GADL1: variants seen among roughly 807,000 people sequenced by gnomAD.
GADL1 encodes the protein acidic amino acid decarboxylase GADL1.
In GADL1, 71 loss-of-function variants were observed where a neutral mutation model predicts 69.5. That is an observed-to-expected ratio of 1.02 (90% CI 0.84 to 1.25). The LOEUF (loss-of-function observed/expected upper bound fraction) is 1.25, where lower values mean the gene tolerates loss of function less well. Ranked by LOEUF, GADL1 falls within the 50% of genes most tolerant of loss-of-function variation. GADL1 has a pLI of 0.00. For missense variants in GADL1, 737 were observed against 631.8 expected (o/e 1.17, Z -1.79); for synonymous variants, 254 against 214.4 (o/e 1.18, Z -1.62).
intron 8 of GADL1, 82 bp downstream of exon 8, chr3:30,844,128 G>T: frequency 2.0e-6 from 2 of 1,023,628 alleles, no homozygotes; most frequent in Non-Finnish European, 2.9e-6. Flanking sequence ...TTCTCTCCTT[G>T]CTATTCCCTC....
chr3:30,842,844 G>A (rs753850191), intron 8 of GADL1, among the ~76,000 whole-genome samples: 3,250 of 39,092 alleles, frequency 0.083, 50 homozygotes, highest in African/African-American at 0.093. Context: ...AAAAAAAAAA[G>A]TAGGACACAC....
At chr3:30,795,892 G>A (rs1575209322) in intron 12 of GADL1, among the ~76,000 whole-genome samples, 1 of 152,156 alleles carries the variant, frequency 6.6e-6, no homozygotes, top group African/African-American at 2.4e-5. Flanking sequence ...GCAGGAAAGA[G>A]GAGGGATTAT....
At chr3:30,757,751 A>C (rs1248132995) in intron 14 of GADL1, among the ~76,000 whole-genome samples, 1 of 151,118 alleles carries the variant, frequency 6.6e-6, no homozygotes, top group African/African-American at 2.5e-5. Context: ...ACTCCTACAA[A>C]TGTAGTCCCC....
chr3:30,857,165 A>G, intron 2 of GADL1, 24 bp from the exon 3 acceptor site: 1 of 1,547,530 alleles, frequency 6.5e-7, no homozygotes, highest in Non-Finnish European at 8.7e-7. Context: ...CACAACACAA[A>G]TTGAGTATCC....
chr3:30,855,009 G>A (rs1220655023), intron 3 of GADL1, among the ~76,000 whole-genome samples: 1 of 152,078 alleles, frequency 6.6e-6, no homozygotes, highest in Non-Finnish European at 1.5e-5. Context: ...TATGGATTGG[G>A]AAGGGACTTC....
chr3:30,857,238 C>T, intron 2 of GADL1, 97 bp from the exon 3 acceptor site: 1 of 1,029,518 alleles, frequency 9.7e-7, no homozygotes, highest in Non-Finnish European at 1.4e-6. Context: ...AGCTTCTGGG[C>T]AGCGGGTGAT....
chr3:30,768,633 CAA>C (rs1696344924), intron 14 of GADL1, among the ~76,000 whole-genome samples: 1 of 151,622 alleles, frequency 6.6e-6, no homozygotes, highest in Non-Finnish European at 1.5e-5. Context: ...CTCTGAGGCA[CAA>C]AGAAGCCTCA....
In GADL1 at chr3:30,858,911, G is replaced by A. The variant is rs79263933; in HGVS notation, c.211-1770C>T. The stretch of plus-strand genomic sequence containing the variant: ...GTCCTGTGGAGGGCACGCCAGAGAG[G>A]TAGGGAGAATCCTAAGAGTTTAGTG... On this transcript the variant is annotated intron_variant, in intron 2 of 14. Coordinates refer to ENST00000282538, the MANE Select transcript of GADL1 (RefSeq NM_207359.3). 1.4e-4 allele frequency among the ~76,000 whole-genome samples: 22 copies of A among 152,010 alleles called. No individual in the cohort carries two copies. The East Asian group carries it at 4.3e-3, about 30-fold the overall frequency.
chr3:30,789,625 T>C lies in GADL1; in HGVS notation c.1251-3219A>G, dbSNP rs574301431. ...CCAATATAAGACTGATTTGCCTACA[T>C]TGAAAACCTGTTTAATGTAGCCACA... On this transcript the variant is annotated intron_variant, in intron 12 of 14. Coordinates refer to ENST00000282538, the MANE Select transcript of GADL1 (RefSeq NM_207359.3). Among the ~76,000 whole-genome samples, 13 of 152,312 alleles carry C rather than the reference T, an allele frequency of 8.5e-5. No individual in the cohort carries two copies. The South Asian group carries it at 2.7e-3, about 32-fold the overall frequency.
In GADL1 at chr3:30,861,687, G is replaced by A. The variant is rs1698323541; in HGVS notation, c.116C>T (p.Thr39Ile). 1 of 1,549,760 alleles carries A rather than the reference G, an allele frequency of 6.5e-7. No individual in the cohort carries two copies. The highest frequency in any genetic ancestry group is 2.0e-5 in the Admixed American group (1 of 50,906). Residue 39 changes from threonine (T) to isoleucine (I), a missense_variant, in exon 2 of 15, where the codon ACA becomes ATA. Thr to Ile is a moderately conservative substitution (Grantham distance 89). Transcript: ENST00000282538. The part of the protein sequence containing the change: ...LVDGVVLNGP[T>I]TDAKAGEKFV... Reference sequence around the variant, plus strand: ...TTTTTCTCCAGCTTTTGCATCTGTTGTAGGACCATTCAGCACAACCCCATC... The same window carrying A: ...TTTTTCTCCAGCTTTTGCATCTGTTATAGGACCATTCAGCACAACCCCATC...
At chr3:30,865,405 G>T (rs540899308) in intron 1 of GADL1, among the ~76,000 whole-genome samples, 1 of 152,028 alleles carries the variant, frequency 6.6e-6, no homozygotes, top group South Asian at 2.1e-4. Flanking sequence ...CACCCAGAAA[G>T]TGCCTGGCAG....
intron 6 of GADL1, among the ~76,000 whole-genome samples, chr3:30,846,552 G>T (rs1429149598): frequency 6.6e-6 from 1 of 151,476 alleles, no homozygotes; most frequent in African/African-American, 2.4e-5. Flanking sequence ...AGAGAACGGG[G>T]TATATAAATG....
chr3:30,773,283 ATT>A (rs1189992918), intron 14 of GADL1, among the ~76,000 whole-genome samples: 1 of 152,030 alleles, frequency 6.6e-6, no homozygotes, highest in African/African-American at 2.4e-5. Flanking sequence ...ATTAATGCTT[ATT>A]TTTTTCTGGC....
At chr3:30,841,949 G>A (rs893808852) in intron 8 of GADL1, among the ~76,000 whole-genome samples, 4 of 152,076 alleles carry the variant, frequency 2.6e-5, no homozygotes, top group South Asian at 2.1e-4. Context: ...AGAACAAACC[G>A]GATGGTGCAG....
chr3:30,834,347 C>T, intron 9 of GADL1, 66 bp from the exon 10 acceptor site: 2 of 1,335,962 alleles, frequency 1.5e-6, no homozygotes, highest in Admixed American at 3.4e-5. Flanking sequence ...AGTGGGTTGT[C>T]ATAGAAAACC....
intron 11 of GADL1, among the ~76,000 whole-genome samples, chr3:30,827,530 GGTTT>G (rs1697701656): frequency 6.6e-6 from 1 of 151,838 alleles, no homozygotes; most frequent in Non-Finnish European, 1.5e-5. Context: ...AAATGTTATT[GGTTT>G]GTTTGGTGGA....
chr3:30,855,221 T>TC (rs1698209698), intron 3 of GADL1, among the ~76,000 whole-genome samples: 1 of 152,138 alleles, frequency 6.6e-6, no homozygotes, highest in Non-Finnish European at 1.5e-5. Flanking sequence ...TAGAGCCCTT[T>TC]CTACTGGTCA....
intron 13 of GADL1, among the ~76,000 whole-genome samples, chr3:30,779,878 G>A (rs75715254): frequency 2.2e-3 from 342 of 152,274 alleles, no homozygotes; most frequent in African/African-American, 7.7e-3. Context: ...TGTCAGCAGA[G>A]GGTGCTGGAG....
chr3:30,842,643 G>A (rs919272067), intron 8 of GADL1, among the ~76,000 whole-genome samples: 4 of 151,932 alleles, frequency 2.6e-5, no homozygotes, highest in South Asian at 4.2e-4. Flanking sequence ...ACAACATAAT[G>A]CAAATTATTT....
Sources: gnomAD v4.1 joint callset for allele counts (sites outside exome capture counted in the v4.1 genomes callset) on GRCh38, gnomAD v4.1.1 for gene constraint, MANE v1.5 for transcripts, NCBI Gene and HGNC (gene_info 2026-07-23, HGNC 2026-07-21) for gene names.